The following ARL5B variants were observed in gnomAD, a reference collection of about 807,000 sequenced individuals.
ARL5B encodes the protein ARF like GTPase 5B, also known as ADP-ribosylation factor-like protein 5B.
A neutral mutation model predicts 26.9 loss-of-function variants in ARL5B; 10 were observed. The observed-to-expected ratio is 0.37, with a 90% CI of 0.23 to 0.63. The LOEUF is 0.63. Among genes scored for constraint, ARL5B ranks in the 30% least tolerant of loss-of-function variants. The pLI is 0.62. For synonymous variants in ARL5B, 87 were observed against 70.4 expected, an observed-to-expected ratio of 1.24 and a Z score of -1.18; for missense variants, 167 against 213.9, an observed-to-expected ratio of 0.78 and a Z score of 1.37.
chr10:18,664,032 C>T (rs2059849297), intron 1 of ARL5B, among the ~76,000 whole-genome samples: 1 of 152,082 alleles, frequency 6.6e-6, no homozygotes, highest in South Asian at 2.1e-4. Context: ...CAGCTCACTG[C>T]CACCTCTGCC....
In ARL5B at chr10:18,666,573, A is replaced by G. The variant is rs1454472991; in HGVS notation, c.47-2A>G. On this transcript the variant is annotated splice_acceptor_variant, in intron 1 of 5. Coordinates refer to ENST00000377275, the MANE Select transcript of ARL5B (RefSeq NM_178815.5). LOFTEE classifies it high-confidence loss of function. ...TGTTTATGATTTGCTTTCTTTTTGT[A>G]GAACACAAAGTAATTATAGTGGGAC... 1.2e-6 allele frequency: 2 copies of G among 1,605,250 alleles called. No homozygotes were observed. The highest frequency in any genetic ancestry group is 2.2e-5 in the South Asian group (2 of 88,936).
intron 2 of ARL5B, among the ~76,000 whole-genome samples, chr10:18,666,938 A>T (rs1245347258): frequency 6.6e-6 from 1 of 152,206 alleles, no homozygotes; most frequent in Admixed American, 6.5e-5. Context: ...TTCTTACCCC[A>T]CTTGGGTTTA....
chr10:18,673,210 C>T (rs757158766), intron 4 of ARL5B, among the ~76,000 whole-genome samples: 7 of 151,660 alleles, frequency 4.6e-5, no homozygotes, highest in Non-Finnish European at 7.4e-5. Flanking sequence ...TACAGGAACC[C>T]GCCACCACGC....
chr10:18,663,546 CT>C lies in ARL5B; in HGVS notation c.47-3009del, dbSNP rs10645351. On this transcript the variant is annotated intron_variant, in intron 1 of 5. Transcript: ENST00000377275. ...ATTTCTCTCTTTAGCTTATTCTGCT[CT>C]TTTTTTTTTTTTTTTTTTTGAGATG... Among the ~76,000 whole-genome samples the C allele has an allele frequency of 4.6e-4, 45 of 97,942 alleles. 1 individual carries two copies. The highest frequency in any genetic ancestry group is 9.9e-4 in the Admixed American group (7 of 7,104). 64.3% of individuals were successfully genotyped at this position (97,942 alleles called of 152,430 possible).
chr10:18,671,879 T>C (rs769597984), intron 3 of ARL5B, among the ~76,000 whole-genome samples: 28 of 152,152 alleles, frequency 1.8e-4, no homozygotes, highest in Non-Finnish European at 3.2e-4. Context: ...CTCAAACTCC[T>C]GGGCTCAAGC....
intron 1 of ARL5B, among the ~76,000 whole-genome samples, chr10:18,663,742 G>T (rs958848742): frequency 7.9e-5 from 12 of 151,152 alleles, no homozygotes; most frequent in Non-Finnish European, 1.3e-4. Context: ...TAGAGACGGG[G>T]TTTCACCATG....
intron 4 of ARL5B, among the ~76,000 whole-genome samples, chr10:18,673,414 G>A (rs1366544942): frequency 2.0e-5 from 3 of 151,888 alleles, no homozygotes; most frequent in African/African-American, 7.3e-5. Context: ...TCTGAATCTT[G>A]CTCTTTTTGT....
chr10:18,668,430 A>G, intron 2 of ARL5B, 100 bp from the exon 3 acceptor site: 3 of 1,262,816 alleles, frequency 2.4e-6, no homozygotes, highest in Non-Finnish European at 3.3e-6. Context: ...GATCACCATC[A>G]TTGGTGCAGA....
intron 3 of ARL5B, 150 bp downstream of exon 3, chr10:18,668,827 T>G (rs990301718): frequency 2.4e-6 from 2 of 818,494 alleles, no homozygotes; most frequent in Non-Finnish European, 3.6e-6. Context: ...TAGAGTGCAG[T>G]GGAGTGATCT....
intron 2 of ARL5B, 31 bp downstream of exon 2, chr10:18,666,666 A>G (rs1238615054): frequency 6.5e-7 from 1 of 1,549,106 alleles, no homozygotes; most frequent in East Asian, 2.3e-5. Context: ...AACAGTTTTC[A>G]CTAGTTATTG....
intron 1 of ARL5B, among the ~76,000 whole-genome samples, chr10:18,663,227 C>T (rs1339027227): frequency 3.3e-5 from 5 of 151,634 alleles, no homozygotes; most frequent in South Asian, 2.1e-4. Flanking sequence ...AGGCTGGCCT[C>T]GAACTCCTGA....
Position 18,679,232 on chromosome 10 carries a change from A to C in ARL5B, c.*4016A>C, listed in dbSNP as rs1452802027. On this transcript the variant is annotated 3_prime_UTR_variant, in exon 6 of 6. Transcript: ENST00000377275. ...GAAAAGGATAGTAAGCTGCTTAGAA[A>C]GAACCAGCCTGTGTTGGAAATAATT... 1 of 151,962 alleles carries C rather than the reference A, an allele frequency of 6.6e-6. No homozygotes were observed. Among genetic ancestry groups the C allele is most frequent in the Non-Finnish European group, 1.5e-5 (1 of 67,836 alleles). The allele number at this position is 151,962 out of a possible 1,614,324, so 9.4% of individuals were successfully genotyped here.
chr10:18,665,623 C>T (rs1293577477), intron 1 of ARL5B, among the ~76,000 whole-genome samples: 1 of 152,148 alleles, frequency 6.6e-6, no homozygotes, highest in Non-Finnish European at 1.5e-5. Context: ...CACCAGAGGT[C>T]ATCAAGAAGA....
chr10:18,670,413 C>G (rs1450139177), intron 3 of ARL5B, among the ~76,000 whole-genome samples: 1 of 152,120 alleles, frequency 6.6e-6, no homozygotes. Flanking sequence ...GAGTTCAAGA[C>G]CAGCATGGCC....
rs1048443926 is a variant in ARL5B, at chr10:18,676,838, A to T, written c.*1622A>T. On this transcript the variant is annotated 3_prime_UTR_variant, in exon 6 of 6. Coordinates refer to ENST00000377275, the MANE Select transcript of ARL5B (RefSeq NM_178815.5). ...TCTGATTTATCTTTAGTTGGAGCAC[A>T]CCCTTGAACTGAACAGTGGCCAAAG... is the stretch of plus-strand genomic sequence containing the variant. 8.6e-5 allele frequency: 13 copies of T among 151,942 alleles called. No individual in the cohort carries two copies. The highest frequency in any genetic ancestry group is 3.1e-4 in the African/African-American group (13 of 41,392). The allele number at this position is 151,942 out of a possible 1,614,324, so 9.4% of individuals were successfully genotyped here. A position where few individuals can be genotyped will look rare whatever the true frequency, so the allele number is the denominator to read the frequency against.
At chr10:18,670,162 A>T (rs11597737) in intron 3 of ARL5B, among the ~76,000 whole-genome samples, 4 of 152,046 alleles carry the variant, frequency 2.6e-5, no homozygotes, top group African/African-American at 7.3e-5. Flanking sequence ...GCAACGTGTA[A>T]GTAAACAAAG....
At chr10:18,673,786 C>T (rs186163796) in intron 4 of ARL5B, among the ~76,000 whole-genome samples, 198 bp from the exon 5 acceptor site, 14 of 147,756 alleles carry the variant, frequency 9.5e-5, no homozygotes, top group Admixed American at 2.7e-4. Flanking sequence ...TTGACCAGTT[C>T]GACTCAAAAA....
At chr10:18,660,061 C>CT (rs547976951) in intron 1 of ARL5B, among the ~76,000 whole-genome samples, 2,127 of 146,334 alleles carry the variant, frequency 0.015, 21 homozygotes, top group Middle Eastern at 0.061. Context: ...AAACCTAGAA[C>CT]TTTTTTTTTT....
Position 18,674,072 on chromosome 10 carries a change from C to A in ARL5B, c.428C>A (p.Thr143Asn), listed in dbSNP as rs2131646975. ...MTAAEISKYL[T>N]LSSIKDHPWH... The stretch of plus-strand genomic sequence containing the variant: ...GCAGCTGAAATCTCGAAATACCTCA[C>A]CCTTAGTTCAATTAAGGATCATCCA... Residue 143 changes from threonine to asparagine, a missense_variant, in exon 5 of 6, where the codon ACC becomes AAC. Coordinates refer to ENST00000377275, the MANE Select transcript of ARL5B (RefSeq NM_178815.5). 6.2e-7 allele frequency: 1 copy of A among 1,613,004 alleles called. No homozygotes were observed. Among genetic ancestry groups the A allele is most frequent in the African/African-American group, 1.3e-5 (1 of 74,928 alleles).
Sources: allele counts gnomAD v4.1 joint callset (sites outside exome capture counted in the v4.1 genomes callset), GRCh38; gene constraint gnomAD v4.1.1; transcripts MANE v1.5; gene names NCBI Gene and HGNC (gene_info 2026-07-23, HGNC 2026-07-21).